LCOR: variants seen among roughly 807,000 people sequenced by gnomAD.
LCOR encodes ligand-dependent corepressor.
In LCOR, 14 loss-of-function variants were observed where a neutral mutation model predicts 64.4. The ratio of observed to expected loss-of-function variants is 0.22; its 90% CI spans 0.14 to 0.34. The LOEUF is 0.34. Among genes scored for constraint, LCOR ranks in the 10% least tolerant of loss-of-function variants. The pLI, the probability that LCOR is intolerant of heterozygous loss-of-function variation, is 1.00. For missense variants in LCOR, 1,686 were observed against 1,765.3 expected (o/e 0.96, Z 0.80); for synonymous variants, 643 against 642.5 (o/e 1.00, Z -0.01).
chr10:96,956,223 GC>G (rs1315634133), intron 7 of LCOR: 1 of 1,065,048 alleles, frequency 9.4e-7, no homozygotes, highest in Non-Finnish European at 1.1e-6. Context: ...GAGCCTGCAT[GC>G]TTTTTTGTTT....
In LCOR at chr10:96,837,244, C is replaced by T. The variant is rs528635547; in HGVS notation, c.-330+3765C>T. ...TGACCTCGTGATCTGCCCGCCTTGG[C>T]CTCCCAAAGTGCTGGGATTACAGGC... On this transcript the variant is annotated intron_variant, in intron 2 of 7. Transcript: ENST00000421806. Among the ~76,000 whole-genome samples the T allele has an allele frequency of 2.0e-5, 3 of 152,136 alleles. No homozygotes were observed. In the East Asian group the frequency reaches 5.8e-4, roughly 29 times the overall value.
chr10:96,970,176 T>G (rs1366396121), intron 7 of LCOR, among the ~76,000 whole-genome samples: 1 of 151,696 alleles, frequency 6.6e-6, no homozygotes, highest in African/African-American at 2.4e-5. Flanking sequence ...GGCAGGCAGA[T>G]CACCTGAGCT....
At chr10:96,937,707 A>G (rs1282425800) in intron 4 of LCOR, among the ~76,000 whole-genome samples, 1 of 152,130 alleles carries the variant, frequency 6.6e-6, no homozygotes, top group Non-Finnish European at 1.5e-5. Context: ...TTTCTTCACA[A>G]ACTTTTTCAA....
intron 7 of LCOR, among the ~76,000 whole-genome samples, chr10:96,965,682 A>AG (rs1293334037): frequency 6.6e-6 from 1 of 151,318 alleles, no homozygotes; most frequent in Non-Finnish European, 1.5e-5. Flanking sequence ...AAAAAAAAAA[A>AG]AAGACGGGCT....
At chr10:96,845,669 G>A (rs887779981) in intron 2 of LCOR, among the ~76,000 whole-genome samples, 6 of 150,508 alleles carry the variant, frequency 4.0e-5, no homozygotes, top group African/African-American at 7.3e-5. Context: ...GGGTGTCACC[G>A]TGTTAGCCAG....
chr10:96,928,954 T>A (rs960380021), intron 4 of LCOR, among the ~76,000 whole-genome samples: 4 of 152,234 alleles, frequency 2.6e-5, no homozygotes, highest in Non-Finnish European at 4.4e-5. Flanking sequence ...TTTATTTTTT[T>A]CTTTCTGAGC....
intron 2 of LCOR, among the ~76,000 whole-genome samples, chr10:96,840,380 T>C (rs1366535284): frequency 2.0e-5 from 3 of 152,226 alleles, no homozygotes; most frequent in Non-Finnish European, 2.9e-5. Context: ...TAAAAACTAG[T>C]ATTTGTTGTA....
chr10:96,853,243 A>AT (rs1845749760), intron 2 of LCOR, among the ~76,000 whole-genome samples: 1 of 151,762 alleles, frequency 6.6e-6, no homozygotes, highest in Non-Finnish European at 1.5e-5. Flanking sequence ...TAGAGATGGG[A>AT]TTTTGCCACG....
intron 4 of LCOR, among the ~76,000 whole-genome samples, chr10:96,908,453 A>C (rs753890151): frequency 2.0e-5 from 3 of 152,206 alleles, no homozygotes; most frequent in Admixed American, 6.5e-5. Flanking sequence ...TTACTAATTC[A>C]TGTAGATGAT....
intron 7 of LCOR, chr10:96,961,892 G>GT (rs1847887494): frequency 6.6e-6 from 1 of 150,718 alleles, no homozygotes; most frequent in Admixed American, 6.6e-5. Context: ...TCCAGGTGAC[G>GT]TTTTTTATTT....
At chr10:96,942,320 G>T (rs2134511446) in intron 4 of LCOR, among the ~76,000 whole-genome samples, 1 of 152,184 alleles carries the variant, frequency 6.6e-6, no homozygotes, top group East Asian at 1.9e-4. Flanking sequence ...GCGCGCGCCT[G>T]CAATCGCAGG....
rs572706148 is a variant in LCOR at position 96,848,119 on chromosome 10, A to AT, written c.-330+14646dup. Among the ~76,000 whole-genome samples the AT allele has an allele frequency of 3.6e-4, 55 of 152,294 alleles. 1 individual carries two copies. The highest frequency in any genetic ancestry group is 1.2e-3 in the African/African-American group (49 of 41,566). On this transcript the variant is annotated intron_variant, in intron 2 of 7. Transcript: ENST00000421806. Reference sequence around the variant, plus strand: ...TAAGTCAGCCTGTATTTTGTCAGATATTTTTTAAGAAATGATCCAGATCAA... The same window carrying AT: ...TAAGTCAGCCTGTATTTTGTCAGATATTTTTTTAAGAAATGATCCAGATCAA...
At chr10:96,880,687 C>T (rs114036959) in intron 2 of LCOR, among the ~76,000 whole-genome samples, 2 of 152,212 alleles carry the variant, frequency 1.3e-5, no homozygotes, top group African/African-American at 4.8e-5. Context: ...CATGAGCCAC[C>T]ACACCTGGCC....
At chr10:96,955,813 AG>A in intron 7 of LCOR, 1 of 1,614,208 alleles carries the variant, frequency 6.2e-7, no homozygotes, top group Non-Finnish European at 8.5e-7. Context: ...AACCCTCCAA[AG>A]AAAAAGATGA....
intron 7 of LCOR, among the ~76,000 whole-genome samples, chr10:96,979,436 G>A (rs1848063915): frequency 6.6e-6 from 1 of 152,208 alleles, no homozygotes; most frequent in Non-Finnish European, 1.5e-5. Flanking sequence ...AGCAGGTATT[G>A]CCTGTGGCAT....
intron 4 of LCOR, among the ~76,000 whole-genome samples, chr10:96,938,276 C>CA (rs1283147447): frequency 6.6e-6 from 1 of 152,130 alleles, no homozygotes; most frequent in African/African-American, 2.4e-5. Context: ...TACTGTAATA[C>CA]AATGTGTTAA....
At chr10:96,854,050 A>G (rs1006260458) in intron 2 of LCOR, among the ~76,000 whole-genome samples, 1 of 152,170 alleles carries the variant, frequency 6.6e-6, no homozygotes. Flanking sequence ...GGTGAGATTC[A>G]GGTGGGGACA....
At position 96,985,100 on chromosome 10, in the gene LCOR, C is replaced by G. The variant is rs370244169; in HGVS notation, c.4640C>G (p.Ser1547Trp). The G allele has an allele frequency of 3.1e-6, 5 of 1,605,166 alleles. No homozygotes were observed. Among genetic ancestry groups the G allele is most frequent in the Non-Finnish European group, 3.4e-6 (4 of 1,177,312 alleles). Residue 1547 changes from serine to tryptophan, a missense_variant, in exon 8 of 8, where the codon TCG (serine) becomes TGG (tryptophan). Ser to Trp is a radical substitution (Grantham distance 177). Coordinates refer to ENST00000421806, the MANE Select transcript of LCOR (RefSeq NM_001346516.2). Reference sequence around the variant, plus strand: ...AAGCTGAAGGCAAAGCTGGACTGTTCGCACAGCAAACGGAGGCGGCTGGAT... The same window carrying G: ...AAGCTGAAGGCAAAGCTGGACTGTTGGCACAGCAAACGGAGGCGGCTGGAT... ...KRKLKAKLDC[S>W]HSKRRRLDAK
At chr10:96,971,516 A>G (rs749489475) in intron 7 of LCOR, among the ~76,000 whole-genome samples, 2 of 152,192 alleles carry the variant, frequency 1.3e-5, no homozygotes, top group African/African-American at 2.4e-5. Context: ...GTTACAAAGC[A>G]GCATAAGTAC....
Sources: gnomAD v4.1 joint callset for allele counts (sites outside exome capture counted in the v4.1 genomes callset) on GRCh38, gnomAD v4.1.1 for gene constraint, MANE v1.5 for transcripts, NCBI Gene and HGNC (gene_info 2026-07-23, HGNC 2026-07-21) for gene names.